Variants in EFCAB11 observed in about 807,000 individuals in gnomAD.
The protein encoded by EFCAB11 is EF-hand calcium-binding domain-containing protein 11.
A neutral mutation model predicts 23.0 loss-of-function variants in EFCAB11; 14 were observed. The observed-to-expected ratio is 0.61, with a 90% CI of 0.40 to 0.95. EFCAB11 has a LOEUF of 0.95. Ranked by LOEUF, EFCAB11 falls within the 40% of genes least tolerant of loss-of-function variation. The pLI, the probability that EFCAB11 is intolerant of heterozygous loss-of-function variation, is 0.00. For synonymous variants in EFCAB11, 65 were observed against 66.6 expected, an observed-to-expected ratio of 0.98 and a Z score of 0.11; for missense variants, 198 against 195.8, an observed-to-expected ratio of 1.01 and a Z score of -0.07.
intron 3 of EFCAB11, among the ~76,000 whole-genome samples, chr14:89,940,093 T>C (rs953181192): frequency 6.6e-6 from 1 of 152,232 alleles, no homozygotes; most frequent in African/African-American, 2.4e-5. Flanking sequence ...CTCCTAATTC[T>C]TCCCCATCTG....
intron 5 of EFCAB11, among the ~76,000 whole-genome samples, chr14:89,864,840 G>T (rs1468512703): frequency 2.0e-5 from 3 of 152,178 alleles, no homozygotes; most frequent in Non-Finnish European, 4.4e-5. Context: ...TCAACCTTGT[G>T]CCCATTCTTG....
At chr14:89,908,596 CATT>C (rs1362202088) in intron 5 of EFCAB11, among the ~76,000 whole-genome samples, 19 of 152,092 alleles carry the variant, frequency 1.2e-4, no homozygotes, top group African/African-American at 4.3e-4. Context: ...TATGTTATCT[CATT>C]ATGATATGCA....
chr14:89,905,982 G>T (rs987408339), intron 5 of EFCAB11, among the ~76,000 whole-genome samples: 1 of 152,048 alleles, frequency 6.6e-6, no homozygotes, highest in South Asian at 2.1e-4. Context: ...TTTAAATATG[G>T]TGAACTCAAG....
chr14:89,892,428 G>A (rs567578166), intron 5 of EFCAB11: 2 of 1,568,826 alleles, frequency 1.3e-6, no homozygotes, highest in South Asian at 1.2e-5. Context: ...CAGCACCCAG[G>A]CCCATGCCAG....
intron 3 of EFCAB11, among the ~76,000 whole-genome samples, chr14:89,949,122 T>C (rs1891073681): frequency 6.6e-6 from 1 of 152,060 alleles, no homozygotes; most frequent in Non-Finnish European, 1.5e-5. Context: ...TTAAAATAAC[T>C]AAGAGTGTAA....
chr14:89,827,257 C>T (rs1337388410), intron 5 of EFCAB11, among the ~76,000 whole-genome samples: 1 of 152,122 alleles, frequency 6.6e-6, no homozygotes, highest in Non-Finnish European at 1.5e-5. Flanking sequence ...GAGCTGGAAC[C>T]CAGACCCCTG....
intron 3 of EFCAB11, among the ~76,000 whole-genome samples, chr14:89,948,860 G>A (rs536728790): frequency 2.6e-4 from 39 of 150,194 alleles, no homozygotes; most frequent in African/African-American, 9.4e-4. Flanking sequence ...GTTGGGGAGA[G>A]TTATGGATGG....
At chr14:89,875,455 T>C (rs1373916138) in intron 5 of EFCAB11, among the ~76,000 whole-genome samples, 1 of 152,114 alleles carries the variant, frequency 6.6e-6, no homozygotes, top group Non-Finnish European at 1.5e-5. Context: ...CCAACTAAGA[T>C]AGCACGGGTC....
chr14:89,807,408 G>C (rs1886003824), intron 5 of EFCAB11, among the ~76,000 whole-genome samples: 1 of 152,158 alleles, frequency 6.6e-6, no homozygotes, highest in African/African-American at 2.4e-5. Flanking sequence ...GGAATGAGCT[G>C]AACTTTCAAG....
intron 5 of EFCAB11, among the ~76,000 whole-genome samples, chr14:89,817,805 C>T (rs188737094): frequency 6.6e-6 from 1 of 152,078 alleles, no homozygotes; most frequent in East Asian, 1.9e-4. Flanking sequence ...ACCAGCCTGG[C>T]CAACATGGCG....
At chr14:89,857,666 T>C (rs904913965) in intron 5 of EFCAB11, among the ~76,000 whole-genome samples, 1 of 152,198 alleles carries the variant, frequency 6.6e-6, no homozygotes, top group Non-Finnish European at 1.5e-5. Context: ...GTGAATGCTG[T>C]GGAATTGGCC....
chr14:89,795,927 C>G lies in EFCAB11; in HGVS notation c.*1316G>C, dbSNP rs1885563210. ...AGTGTCCAGCATTGCTGTTCTTGCT[C>G]CAGTATAGCAGTTACTGGAGCCCAG... On this transcript the variant is annotated 3_prime_UTR_variant, in exon 6 of 6. Coordinates refer to ENST00000316738, the MANE Select transcript of EFCAB11 (RefSeq NM_145231.4). 6.6e-6 allele frequency: 1 copy of G among 152,178 alleles called. No homozygotes were observed. 9.4% of individuals were successfully genotyped at this position (152,178 alleles called of 1,614,324 possible).
Position 89,794,830 on chromosome 14 carries a change from G to C in EFCAB11, c.*2413C>G, listed in dbSNP as rs1885520613. 6.6e-6 allele frequency: 1 copy of C among 151,972 alleles called. No individual in the cohort carries two copies. Among genetic ancestry groups the C allele is most frequent in the Non-Finnish European group, 1.5e-5 (1 of 67,986 alleles). 9.4% of individuals were successfully genotyped at this position (151,972 alleles called of 1,614,324 possible). A position where few individuals can be genotyped will look rare whatever the true frequency, so the allele number is the denominator to read the frequency against. On this transcript the variant is annotated 3_prime_UTR_variant, in exon 6 of 6. Transcript: ENST00000316738. ...ATAGAAAAATTGTGAAAATAGTAGAGGGTTCCCATATACCTCACCCAGTTT... is the reference window on the plus strand; with the variant it reads ...ATAGAAAAATTGTGAAAATAGTAGACGGTTCCCATATACCTCACCCAGTTT...
At chr14:89,847,235 T>C (rs902851938) in intron 5 of EFCAB11, among the ~76,000 whole-genome samples, 4 of 152,224 alleles carry the variant, frequency 2.6e-5, no homozygotes, top group Non-Finnish European at 5.9e-5. Flanking sequence ...CCAAAACTGC[T>C]AATCATCCCC....
chr14:89,845,354 T>A (rs894980245), intron 5 of EFCAB11, among the ~76,000 whole-genome samples: 1 of 152,248 alleles, frequency 6.6e-6, no homozygotes, highest in Non-Finnish European at 1.5e-5. Flanking sequence ...CAAATTAATA[T>A]GATTTTCAAG....
rs1367956789 is a variant in EFCAB11, at chr14:89,954,606, C to G, written c.55G>C (p.Glu19Gln). The change falls in exon 1 of 6, where the codon GAA becomes CAA. Residue 19 changes from glutamate (E) to glutamine (Q), a missense_variant. Coordinates refer to ENST00000316738, the MANE Select transcript of EFCAB11 (RefSeq NM_145231.4). ...CCTACTTCCACCCACTTCCTGTGTT[C>G]CGAGGGACTGGCTTCCCACGTCCGC... is the stretch of plus-strand genomic sequence containing the variant. Reference protein sequence around the residue: ...RSRTWEASPSEHRKWVEVFKA... With the variant: ...RSRTWEASPSQHRKWVEVFKA... 1.2e-6 allele frequency: 2 copies of G among 1,613,866 alleles called. No homozygotes were observed. The highest frequency in any genetic ancestry group is 1.7e-6 in the Non-Finnish European group (2 of 1,179,988).
At position 89,949,948 on chromosome 14, in the gene EFCAB11, C is replaced by T. The variant is rs572805416; in HGVS notation, c.217+149G>A. On this transcript the variant is annotated intron_variant, in intron 3 of 5. Coordinates refer to ENST00000316738, the MANE Select transcript of EFCAB11 (RefSeq NM_145231.4). ...TATCCAGTATCATGAGAACAACATG[C>T]GAAAAACCCGCCCCCATGATTCAGT... The T allele has an allele frequency of 1.7e-4, 141 of 823,290 alleles. 1 individual carries two copies. The highest frequency in any genetic ancestry group is 1.2e-3 in the African/African-American group (66 of 56,766). The allele number at this position is 823,290 out of a possible 1,614,324, so 51.0% of individuals were successfully genotyped here. A position where few individuals can be genotyped will look rare whatever the true frequency, so the allele number is the denominator to read the frequency against.
intron 5 of EFCAB11, among the ~76,000 whole-genome samples, chr14:89,882,169 C>T (rs913821087): frequency 1.3e-5 from 2 of 152,106 alleles, no homozygotes; most frequent in African/African-American, 2.4e-5. Flanking sequence ...TGAAAAACTT[C>T]CTGGGTGCCA....
At chr14:89,948,445 A>G (rs1220111267) in intron 3 of EFCAB11, among the ~76,000 whole-genome samples, 1 of 152,202 alleles carries the variant, frequency 6.6e-6, no homozygotes, top group Non-Finnish European at 1.5e-5. Context: ...AAAAACTAAA[A>G]ATAAAGCTAC....
Sources: allele counts gnomAD v4.1 joint callset (sites outside exome capture counted in the v4.1 genomes callset), GRCh38; gene constraint gnomAD v4.1.1; transcripts MANE v1.5; gene names NCBI Gene and HGNC (gene_info 2026-07-23, HGNC 2026-07-21).